The following TRHDE variants were observed in gnomAD, a reference collection of about 807,000 sequenced individuals.
TRHDE encodes the protein thyrotropin releasing hormone degrading enzyme.
A neutral mutation model predicts 125.7 loss-of-function variants in TRHDE; 72 were observed. The observed-to-expected ratio is 0.57, with a 90% CI of 0.47 to 0.70. The LOEUF (loss-of-function observed/expected upper bound fraction) is 0.70, where lower values mean the gene tolerates loss of function less well. Among genes scored for constraint, TRHDE ranks in the 30% least tolerant of loss-of-function variants. The pLI is 0.00. For missense variants in TRHDE, 1,110 were observed against 1,327.1 expected (o/e 0.84, Z 2.54); for synonymous variants, 509 against 509.1 (o/e 1.00, Z 0.00).
intron 15 of TRHDE, among the ~76,000 whole-genome samples, chr12:72,640,359 T>C (rs1331221506): frequency 6.6e-6 from 1 of 152,212 alleles, no homozygotes; most frequent in Non-Finnish European, 1.5e-5. Flanking sequence ...CGCCCTGCTT[T>C]GGCTCGCGCA....
intron 2 of TRHDE, among the ~76,000 whole-genome samples, chr12:72,341,351 G>A (rs1412889656): frequency 6.6e-6 from 1 of 151,770 alleles, no homozygotes; most frequent in Non-Finnish European, 1.5e-5. Flanking sequence ...CCACCTAGGA[G>A]TGAGAACATG....
At position 72,538,898 on chromosome 12, in the gene TRHDE, T is replaced by C. The variant is rs1592522228; in HGVS notation, c.1723-3393T>C. Among the ~76,000 whole-genome samples, 3 of 150,786 alleles carry C rather than the reference T, an allele frequency of 2.0e-5. No homozygotes were observed. The East Asian group carries it at 5.8e-4, about 29-fold the overall frequency. On this transcript the variant is annotated intron_variant, in intron 6 of 18. Transcript: ENST00000261180. Reference sequence around the variant, plus strand: ...TTGAAAACCAATTTTCCAAATTCCTTATCCCTGGTATTCAAAGTCCTCTAA... The same window carrying C: ...TTGAAAACCAATTTTCCAAATTCCTCATCCCTGGTATTCAAAGTCCTCTAA...
rs1869767488 is a variant in TRHDE at position 72,553,400 on chromosome 12, G to C, written c.1789-8765G>C. Among the ~76,000 whole-genome samples the C allele has an allele frequency of 4.6e-5, 7 of 152,240 alleles. 1 individual carries two copies. In the South Asian group the frequency reaches 1.5e-3, roughly 32 times the overall value. ...CTATGAAATCTAATCTGGATACTCA[G>C]GGAAGAGAAGACAGGAAGAATCTGA... On this transcript the variant is annotated intron_variant, in intron 7 of 18. Coordinates refer to ENST00000261180, the MANE Select transcript of TRHDE (RefSeq NM_013381.3).
chr12:72,594,200 G>A (rs1033843561), intron 12 of TRHDE, among the ~76,000 whole-genome samples: 13 of 151,898 alleles, frequency 8.6e-5, no homozygotes, highest in Non-Finnish European at 1.3e-4. Context: ...TTTAATGATC[G>A]CCATTCTAAC....
intron 2 of TRHDE, among the ~76,000 whole-genome samples, chr12:72,191,202 A>G (rs1225836916): frequency 1.3e-5 from 2 of 152,194 alleles, no homozygotes; most frequent in East Asian, 3.8e-4. Flanking sequence ...GCTCTATTGA[A>G]TACTGGTTAG....
At chr12:72,370,167 G>A (rs1237432747) in intron 2 of TRHDE, among the ~76,000 whole-genome samples, 4 of 152,142 alleles carry the variant, frequency 2.6e-5, no homozygotes, top group Non-Finnish European at 5.9e-5. Flanking sequence ...TAAGGTGAAT[G>A]ATTGTTTTTA....
intron 15 of TRHDE, among the ~76,000 whole-genome samples, chr12:72,637,295 G>C (rs1248208820): frequency 1.3e-5 from 2 of 152,170 alleles, no homozygotes; most frequent in Non-Finnish European, 2.9e-5. Flanking sequence ...TTGCATAGAG[G>C]TGTTTGTAAT....
intron 2 of TRHDE, among the ~76,000 whole-genome samples, chr12:72,125,699 G>A (rs1360160363): frequency 6.6e-6 from 1 of 152,090 alleles, no homozygotes; most frequent in East Asian, 1.9e-4. Context: ...CAGAATAACA[G>A]GAATAACGGC....
At chr12:72,262,453 T>C (rs950658076) in intron 2 of TRHDE, 15 of 152,204 alleles carry the variant, frequency 9.9e-5, no homozygotes, top group African/African-American at 3.6e-4. Context: ...TTTGGATGAT[T>C]ATCACATCAG....
At chr12:72,206,833 A>T (rs900557832) in intron 2 of TRHDE, among the ~76,000 whole-genome samples, 1 of 151,866 alleles carries the variant, frequency 6.6e-6, no homozygotes, top group Non-Finnish European at 1.5e-5. Flanking sequence ...GTAAATACTT[A>T]TATATAATAT....
At chr12:72,186,614 A>G in intron 2 of TRHDE, 1 of 166,406 alleles carries the variant, frequency 6.0e-6, no homozygotes, top group Non-Finnish European at 1.2e-5. Context: ...AATTTCACTG[A>G]AGAAGCAAGG....
chr12:72,574,955 T>A lies in TRHDE; in HGVS notation c.2132-300T>A, dbSNP rs1415668189. ...ATTAGAAGTTGCCTGAATACAGTGG[T>A]AGATTTCTAGGTTACAGTTACTTTG... On this transcript the variant is annotated intron_variant, in intron 10 of 18. Transcript: ENST00000261180. 2.0e-5 allele frequency among the ~76,000 whole-genome samples: 3 copies of A among 152,130 alleles called. No homozygotes were observed. The East Asian group carries it at 5.8e-4, about 29-fold the overall frequency.
intron 12 of TRHDE, among the ~76,000 whole-genome samples, chr12:72,594,729 A>G (rs1485064969): frequency 6.6e-6 from 1 of 152,092 alleles, no homozygotes; most frequent in Non-Finnish European, 1.5e-5. Context: ...ATCTAGAACT[A>G]GAAATAACAT....
At chr12:72,170,353 G>A (rs1293497534) in intron 2 of TRHDE, among the ~76,000 whole-genome samples, 1 of 152,110 alleles carries the variant, frequency 6.6e-6, no homozygotes, top group East Asian at 1.9e-4. Context: ...AGTAAGTCTT[G>A]AGGCCTAAAA....
At chr12:72,205,758 C>T (rs961139873) in intron 2 of TRHDE, among the ~76,000 whole-genome samples, 5 of 152,202 alleles carry the variant, frequency 3.3e-5, no homozygotes, top group Non-Finnish European at 7.3e-5. Context: ...ACCAGTTTAT[C>T]AATTGATAGA....
intron 12 of TRHDE, chr12:72,582,360 G>T: frequency 1.0e-6 from 1 of 985,132 alleles, no homozygotes; most frequent in Non-Finnish European, 1.2e-6. Flanking sequence ...TCTGAGCCTG[G>T]TTTCAGAAAT....
At chr12:72,376,600 AAAT>A (rs1871893312) in intron 2 of TRHDE, among the ~76,000 whole-genome samples, 2 of 152,184 alleles carry the variant, frequency 1.3e-5, no homozygotes, top group African/African-American at 4.8e-5. Flanking sequence ...AGAATTTAGT[AAAT>A]AACTTACTGC....
intron 6 of TRHDE, among the ~76,000 whole-genome samples, chr12:72,516,251 T>A (rs1418961086): frequency 6.6e-6 from 1 of 152,060 alleles, no homozygotes; most frequent in Admixed American, 6.6e-5. Context: ...GCCATATTCA[T>A]GGTATTGATT....
At chr12:72,251,260 TC>T (rs1209616851) in intron 2 of TRHDE, among the ~76,000 whole-genome samples, 1 of 151,848 alleles carries the variant, frequency 6.6e-6, no homozygotes, top group Non-Finnish European at 1.5e-5. Flanking sequence ...ACCATAAGGG[TC>T]CCTTATGTTG....
Sources: allele counts gnomAD v4.1 joint callset (sites outside exome capture counted in the v4.1 genomes callset), GRCh38; gene constraint gnomAD v4.1.1; transcripts MANE v1.5; gene names NCBI Gene and HGNC (gene_info 2026-07-23, HGNC 2026-07-21).